Variants in GRIN2A observed in about 807,000 individuals in gnomAD.
GRIN2A encodes glutamate ionotropic receptor NMDA type subunit 2A.
A neutral mutation model predicts 113.4 loss-of-function variants in GRIN2A; 22 were observed. The ratio of observed to expected loss-of-function variants is 0.19; its 90% confidence interval spans 0.14 to 0.28. The LOEUF (loss-of-function observed/expected upper bound fraction) is 0.28, where lower values mean the gene tolerates loss of function less well. Among genes scored for constraint, GRIN2A ranks in the 10% least tolerant of loss-of-function variants. The pLI is 1.00. For synonymous variants in GRIN2A, 827 were observed against 738.4 expected, an observed-to-expected ratio of 1.12 and a Z score of -1.94; for missense variants, 1,502 against 1,887.0, an observed-to-expected ratio of 0.80 and a Z score of 3.78.
At chr16:9,959,317 A>G (rs1184591837) in intron 2 of GRIN2A, among the ~76,000 whole-genome samples, 1 of 152,138 alleles carries the variant, frequency 6.6e-6, no homozygotes, top group African/African-American at 2.4e-5. Context: ...ACCAGCTTCC[A>G]TCCCTAAACC....
chr16:10,137,383 A>G (rs547743367), intron 2 of GRIN2A, among the ~76,000 whole-genome samples: 2 of 152,310 alleles, frequency 1.3e-5, no homozygotes, highest in African/African-American at 4.8e-5. Context: ...CCCCCTACAC[A>G]TGCTGACAGG....
At chr16:9,925,269 T>C (rs1244137112) in intron 3 of GRIN2A, among the ~76,000 whole-genome samples, 5 of 152,194 alleles carry the variant, frequency 3.3e-5, no homozygotes, top group Admixed American at 6.5e-5. Context: ...CCCCCTTCTG[T>C]GTACTCAACT....
intron 3 of GRIN2A, among the ~76,000 whole-genome samples, chr16:9,934,678 T>TCAA (rs1555455124): frequency 5.9e-5 from 3 of 50,942 alleles, no homozygotes; most frequent in South Asian, 9.3e-4. Flanking sequence ...AGACTCTGTC[T>TCAA]AAAAAAAAAA....
chr16:9,930,982 A>G (rs1278667035), intron 3 of GRIN2A, among the ~76,000 whole-genome samples: 3 of 152,212 alleles, frequency 2.0e-5, no homozygotes, highest in Non-Finnish European at 4.4e-5. Flanking sequence ...CTGACTTCAT[A>G]ACTCAAGAAG....
intron 2 of GRIN2A, among the ~76,000 whole-genome samples, chr16:10,016,733 G>A (rs1408863233): frequency 6.6e-6 from 1 of 152,184 alleles, no homozygotes; most frequent in Non-Finnish European, 1.5e-5. Flanking sequence ...AGGGCAAAGT[G>A]AGCTCACATC....
intron 2 of GRIN2A, among the ~76,000 whole-genome samples, chr16:10,085,101 T>C (rs1362917395): frequency 2.0e-5 from 3 of 152,192 alleles, no homozygotes; most frequent in Admixed American, 1.3e-4. Context: ...TGGTCACTTG[T>C]TCAGTTATAT....
chr16:9,792,591 TA>T (rs1434337519), intron 11 of GRIN2A, among the ~76,000 whole-genome samples: 1 of 152,184 alleles, frequency 6.6e-6, no homozygotes, highest in Non-Finnish European at 1.5e-5. Context: ...CTATTATATA[TA>T]CCTAAATATG....
chr16:9,886,303 A>AG (rs2043585409), intron 4 of GRIN2A, among the ~76,000 whole-genome samples: 1 of 152,170 alleles, frequency 6.6e-6, no homozygotes, highest in Non-Finnish European at 1.5e-5. Context: ...CATGTGTAAG[A>AG]GGAAAAAAAA....
At chr16:9,933,998 C>A (rs968693056) in intron 3 of GRIN2A, among the ~76,000 whole-genome samples, 11 of 152,118 alleles carry the variant, frequency 7.2e-5, no homozygotes, top group African/African-American at 2.4e-5. Context: ...GGATGTAAAC[C>A]AAACTGATTA....
intron 2 of GRIN2A, among the ~76,000 whole-genome samples, chr16:9,976,061 C>G (rs58101498): frequency 0.01 from 1,558 of 152,322 alleles, 23 homozygotes; most frequent in African/African-American, 0.036. Context: ...TTCTCTTCAA[C>G]TTCCATCACA....
rs182723155 is a variant in GRIN2A at position 9,815,646 on chromosome 16, G to A, written c.2168+6618C>T. 4.1e-3 allele frequency among the ~76,000 whole-genome samples: 629 copies of A among 152,268 alleles called. 2 individuals carry two copies. The highest frequency in any genetic ancestry group is 6.8e-3 in the Non-Finnish European group (461 of 68,006). On this transcript the variant is annotated intron_variant, in intron 10 of 12. Coordinates refer to ENST00000330684, the MANE Select transcript of GRIN2A (RefSeq NM_001134407.3). Reference sequence around the variant, plus strand: ...AAACAACAAGTATTGGCAAGGATGTGGAGAAATTGGAACCCTTGTGCACTG... The same window carrying A: ...AAACAACAAGTATTGGCAAGGATGTAGAGAAATTGGAACCCTTGTGCACTG...
chr16:10,149,897 T>G (rs1016847252), intron 2 of GRIN2A, among the ~76,000 whole-genome samples: 1 of 152,214 alleles, frequency 6.6e-6, no homozygotes, highest in Non-Finnish European at 1.5e-5. Context: ...AAAGTTTAAT[T>G]GTGTTTAATT....
intron 2 of GRIN2A, among the ~76,000 whole-genome samples, chr16:9,947,562 A>G (rs9938875): frequency 0.076 from 11,535 of 152,250 alleles, 978 homozygotes; most frequent in African/African-American, 0.21. Flanking sequence ...CGAAATGTCC[A>G]TTTCAAAAAT....
At position 9,798,271 on chromosome 16, in the gene GRIN2A, T is replaced by A. The variant is rs1030132899; in HGVS notation, c.2356+6A>T. 1 of 1,612,146 alleles carries A rather than the reference T, an allele frequency of 6.2e-7. No individual in the cohort carries two copies. Among genetic ancestry groups the A allele is most frequent in the Non-Finnish European group, 8.5e-7 (1 of 1,178,710 alleles). ...CCCTAAAGAAAGGGGTCACCCGGGG[T>A]CTTACCATCACCCACAAACTGAAGC... is the stretch of plus-strand genomic sequence containing the variant. On this transcript the variant is annotated splice_donor_region_variant and intron_variant, in intron 11 of 12. Coordinates refer to ENST00000330684, the MANE Select transcript of GRIN2A (RefSeq NM_001134407.3).
chr16:10,054,353 G>A (rs927154440), intron 2 of GRIN2A, among the ~76,000 whole-genome samples: 5 of 152,146 alleles, frequency 3.3e-5, no homozygotes, highest in African/African-American at 7.2e-5. Context: ...GTTAGATTCC[G>A]TTTTACATCT....
intron 2 of GRIN2A, among the ~76,000 whole-genome samples, chr16:10,065,265 G>A (rs1242651594): frequency 6.6e-6 from 1 of 152,202 alleles, no homozygotes; most frequent in Non-Finnish European, 1.5e-5. Context: ...ACCCAGCCAA[G>A]AGCATGCTGT....
intron 2 of GRIN2A, among the ~76,000 whole-genome samples, chr16:10,104,195 G>A (rs371247046): frequency 1.3e-5 from 2 of 152,298 alleles, no homozygotes; most frequent in Admixed American, 6.5e-5. Context: ...GAAACTATTC[G>A]ACGTATTCAT....
At position 9,967,241 on chromosome 16, in the gene GRIN2A, C is replaced by T. The variant is rs565115030; in HGVS notation, c.415-28690G>A. Among the ~76,000 whole-genome samples, 4 of 152,290 alleles carry T rather than the reference C, an allele frequency of 2.6e-5. No individual in the cohort carries two copies. The East Asian group carries it at 5.8e-4, about 22-fold the overall frequency. On this transcript the variant is annotated intron_variant, in intron 2 of 12. Coordinates refer to ENST00000330684, the MANE Select transcript of GRIN2A (RefSeq NM_001134407.3). Reference sequence around the variant, plus strand: ...GGATCAAGAAAATGTGGTAGATATACACCACGGAATACTATTCAGTCATAA... The same window carrying T: ...GGATCAAGAAAATGTGGTAGATATATACCACGGAATACTATTCAGTCATAA...
intron 8 of GRIN2A, among the ~76,000 whole-genome samples, chr16:9,832,350 T>C (rs529716057): frequency 6.6e-6 from 1 of 152,238 alleles, no homozygotes; most frequent in African/African-American, 2.4e-5. Flanking sequence ...TTTTGACAGA[T>C]AAAATTGTAT....
Sources: allele counts gnomAD v4.1 joint callset (sites outside exome capture counted in the v4.1 genomes callset), GRCh38; gene constraint gnomAD v4.1.1; transcripts MANE v1.5; gene names NCBI Gene and HGNC (gene_info 2026-07-23, HGNC 2026-07-21).